Variants in TRMT11 observed in about 807,000 individuals in gnomAD.
The protein encoded by TRMT11 is tRNA (guanine(10)-N(2))-methyltransferase TRMT11.
Under a neutral mutation model 62.8 loss-of-function variants are expected in TRMT11, and 53 were observed. The observed-to-expected ratio is 0.84, with a 90% CI of 0.68 to 1.06. TRMT11 has a LOEUF of 1.06. TRMT11 is among the 50% of genes least tolerant of loss of function. The pLI is 0.00. For synonymous variants in TRMT11, 188 were observed against 190.3 expected (o/e 0.99, Z 0.10); for missense variants, 556 against 553.4 (o/e 1.00, Z -0.05).
At chr6:126,115,861 T>A (rs56014123) in intron 21 of TRMT11, among the ~76,000 whole-genome samples, 2,635 of 151,986 alleles carry the variant, frequency 0.017, 57 homozygotes, top group African/African-American at 0.057. Flanking sequence ...GGCAGGCAAG[T>A]TTCTAGATTA....
intron 21 of TRMT11, among the ~76,000 whole-genome samples, chr6:126,124,660 A>C (rs1351832810): frequency 6.6e-6 from 1 of 152,104 alleles, no homozygotes; most frequent in African/African-American, 2.4e-5. Context: ...CATGGCTGCC[A>C]GATGATGAGA....
chr6:125,988,784 G>A (rs1406089420), intron 1 of TRMT11, among the ~76,000 whole-genome samples: 1 of 152,210 alleles, frequency 6.6e-6, no homozygotes, highest in Non-Finnish European at 1.5e-5. Context: ...CTGTAATCAT[G>A]CTAAGATTCT....
chr6:126,246,998 G>A, the TRMT11 span, among the ~76,000 whole-genome samples: 1 of 152,170 alleles, frequency 6.6e-6, no homozygotes, highest in Admixed American at 6.5e-5. Context: ...GCTGCCTGAG[G>A]CTGGTGCTTC....
chr6:126,072,785 G>GTA (rs1776895543), intron 17 of TRMT11, among the ~76,000 whole-genome samples: 1 of 152,126 alleles, frequency 6.6e-6, no homozygotes, highest in Non-Finnish European at 1.5e-5. Flanking sequence ...ATGGCAGAGA[G>GTA]CAGAGATCCT....
intron 7 of TRMT11, among the ~76,000 whole-genome samples, chr6:126,008,057 T>A (rs2128805375): frequency 6.6e-6 from 1 of 152,112 alleles, no homozygotes. Flanking sequence ...ATATGCTCAT[T>A]TTTAAGAAAG....
intron 21 of TRMT11, among the ~76,000 whole-genome samples, chr6:126,128,172 C>T (rs1038959141): frequency 2.0e-5 from 3 of 152,038 alleles, no homozygotes; most frequent in Non-Finnish European, 4.4e-5. Flanking sequence ...ATACATGTGG[C>T]TGCTTTTTTC....
At chr6:126,234,601 G>A in the TRMT11 span, among the ~76,000 whole-genome samples, 3 of 151,994 alleles carry the variant, frequency 2.0e-5, no homozygotes, top group Admixed American at 1.3e-4. Flanking sequence ...TGATTTGTGA[G>A]GATAATCTGT....
At chr6:126,054,511 G>A (rs895660805) in intron 17 of TRMT11, among the ~76,000 whole-genome samples, 4 of 152,194 alleles carry the variant, frequency 2.6e-5, no homozygotes, top group East Asian at 1.9e-4. Flanking sequence ...CTCCTGCACC[G>A]AGGGAGATGA....
At chr6:126,069,516 AAAC>A (rs1403552162) in intron 17 of TRMT11, among the ~76,000 whole-genome samples, 1 of 152,180 alleles carries the variant, frequency 6.6e-6, no homozygotes, top group South Asian at 2.1e-4. Context: ...TTCTCAAACA[AAAC>A]AACAAAACTC....
chr6:126,233,364 C>G, the TRMT11 span, among the ~76,000 whole-genome samples: 2 of 152,292 alleles, frequency 1.3e-5, no homozygotes, highest in Admixed American at 6.5e-5. Context: ...AGAGACCAGG[C>G]TCTTTCTATC....
chr6:126,193,404 C>T (rs528280573), intron 1 of TRMT11, among the ~76,000 whole-genome samples: 1 of 150,820 alleles, frequency 6.6e-6, no homozygotes, highest in Non-Finnish European at 1.5e-5. Flanking sequence ...ATATTTCTTT[C>T]CTTCTACTAA....
At chr6:126,148,107 A>C (rs1777995222) in intron 21 of TRMT11, among the ~76,000 whole-genome samples, 1 of 152,188 alleles carries the variant, frequency 6.6e-6, no homozygotes, top group Non-Finnish European at 1.5e-5. Flanking sequence ...AAGAGGTTAA[A>C]TTAAATAATA....
At chr6:126,154,339 ATG>A (rs66827988) in intron 21 of TRMT11, among the ~76,000 whole-genome samples, 8,442 of 122,544 alleles carry the variant, frequency 0.069, 747 homozygotes, top group African/African-American at 0.22. Context: ...GTGTGTGTGT[ATG>A]TGTGTGTGTG....
chr6:126,198,253 G>A (rs1778690273), intron 1 of TRMT11, among the ~76,000 whole-genome samples: 1 of 152,066 alleles, frequency 6.6e-6, no homozygotes. Flanking sequence ...TCTGGTGGCA[G>A]AAACTTAGGG....
At chr6:126,172,889 T>C (rs750492074), upstream of TRMT11, among the ~76,000 whole-genome samples, 5 of 152,010 alleles carry the variant, frequency 3.3e-5, no homozygotes, top group Non-Finnish European at 7.4e-5. Flanking sequence ...GGGAAGATAA[T>C]AAATTTGCAC....
At chr6:126,268,223 T>G in the TRMT11 span, among the ~76,000 whole-genome samples, 1 of 152,142 alleles carries the variant, frequency 6.6e-6, no homozygotes, top group Admixed American at 6.5e-5. Context: ...AGCTATCGCC[T>G]GGGGCCAGTG....
chr6:126,252,125 A>G, the TRMT11 span, among the ~76,000 whole-genome samples: 1 of 152,262 alleles, frequency 6.6e-6, no homozygotes, highest in Non-Finnish European at 1.5e-5. Flanking sequence ...GAATTCAGTA[A>G]GGTACGAAAG....
exon 17 of TRMT11, among the ~76,000 whole-genome samples, chr6:126,053,180 G>A (rs1461371605): frequency 6.6e-6 from 1 of 152,126 alleles, no homozygotes; most frequent in Non-Finnish European, 1.5e-5. Context: ...GCGGTGGTAT[G>A]AAACAAAGAG....
At chr6:126,150,637 G>T (rs1483045462) in intron 21 of TRMT11, among the ~76,000 whole-genome samples, 1 of 152,184 alleles carries the variant, frequency 6.6e-6, no homozygotes, top group African/African-American at 2.4e-5. Context: ...TGAAGGCATG[G>T]ATTGTCTGTG....
Sources: gnomAD v4.1 joint callset for allele counts (sites outside exome capture counted in the v4.1 genomes callset) on GRCh38, gnomAD v4.1.1 for gene constraint, MANE v1.5 for transcripts, NCBI Gene and HGNC (gene_info 2026-07-23, HGNC 2026-07-21) for gene names.